Variants in AFG2A observed in about 807,000 individuals in gnomAD.
The protein encoded by AFG2A is AAA ATPase AFG2A, also known as ATPase family gene 2 protein homolog A.
chr4:123,159,686 G>A, the AFG2A span, among the ~76,000 whole-genome samples: 1 of 152,118 alleles, frequency 6.6e-6, no homozygotes, highest in Non-Finnish European at 1.5e-5. Context: ...TTAACTGGAA[G>A]GCTGCAGGAC....
chr4:123,247,245 A>G, the AFG2A span, among the ~76,000 whole-genome samples: 1 of 84,838 alleles, frequency 1.2e-5, no homozygotes, highest in African/African-American at 3.0e-5. Flanking sequence ...GTGTGTGTGT[A>G]TCACTACTAC....
At chr4:123,122,966 A>G in the AFG2A span, among the ~76,000 whole-genome samples, 1 of 151,976 alleles carries the variant, frequency 6.6e-6, no homozygotes, top group African/African-American at 2.4e-5. Context: ...TTAACTTTGT[A>G]TTTTTGCAGG....
the AFG2A span, among the ~76,000 whole-genome samples, chr4:123,029,067 T>G: frequency 2.0e-5 from 3 of 152,220 alleles, no homozygotes; most frequent in Non-Finnish European, 4.4e-5. Context: ...CCTAAATAGA[T>G]TAACTATCAA....
the AFG2A span, among the ~76,000 whole-genome samples, chr4:123,245,395 A>C: frequency 6.6e-6 from 1 of 152,156 alleles, no homozygotes; most frequent in Non-Finnish European, 1.5e-5. Context: ...TTTTATAGAG[A>C]CATAGGAAAT....
chr4:123,213,483 A>G, the AFG2A span, among the ~76,000 whole-genome samples: 14 of 152,270 alleles, frequency 9.2e-5, no homozygotes, highest in South Asian at 1.4e-3. Context: ...CTCCAACAAA[A>G]CTAGTATTCA....
the AFG2A span, among the ~76,000 whole-genome samples, chr4:123,239,207 T>G: frequency 3.3e-5 from 5 of 152,178 alleles, no homozygotes; most frequent in Non-Finnish European, 5.9e-5. Flanking sequence ...TACATTTGAT[T>G]GGTGTACCTG....
the AFG2A span, among the ~76,000 whole-genome samples, chr4:123,039,184 G>T: frequency 1.3e-5 from 2 of 152,032 alleles, no homozygotes; most frequent in African/African-American, 4.8e-5. Context: ...TAATTAAAAA[G>T]CAGTATATAT....
the AFG2A span, among the ~76,000 whole-genome samples, chr4:122,926,650 T>C: frequency 6.6e-6 from 1 of 152,236 alleles, no homozygotes. Flanking sequence ...TTCTGATTAT[T>C]AAGGAAAACT....
chr4:122,981,213 A>G, the AFG2A span, among the ~76,000 whole-genome samples: 1 of 152,180 alleles, frequency 6.6e-6, no homozygotes, highest in African/African-American at 2.4e-5. Flanking sequence ...ATGTGTGGAC[A>G]TACAGTTTAT....
the AFG2A span, chr4:123,318,746 G>A: frequency 3.0e-5 from 4 of 131,510 alleles, no homozygotes; most frequent in Non-Finnish European, 5.0e-5. Flanking sequence ...TCAATGTAGC[G>A]AGATCCTATC....
the AFG2A span, among the ~76,000 whole-genome samples, chr4:123,236,121 C>T: frequency 2.6e-5 from 4 of 152,098 alleles, no homozygotes; most frequent in African/African-American, 7.2e-5. Flanking sequence ...CTGATAGATA[C>T]ACTCTCCTGA....
chr4:123,143,336 G>T, the AFG2A span, among the ~76,000 whole-genome samples: 1 of 151,996 alleles, frequency 6.6e-6, no homozygotes, highest in African/African-American at 2.4e-5. Context: ...GTTTTCAGCA[G>T]TCGTCGCTAT....
chr4:123,061,233 A>G, the AFG2A span, among the ~76,000 whole-genome samples: 2 of 151,920 alleles, frequency 1.3e-5, no homozygotes, highest in African/African-American at 2.4e-5. Flanking sequence ...AACTGTACCA[A>G]CCTTCACCTG....
At chr4:123,305,217 A>T in the AFG2A span, among the ~76,000 whole-genome samples, 1 of 152,084 alleles carries the variant, frequency 6.6e-6, no homozygotes, top group Non-Finnish European at 1.5e-5. Flanking sequence ...GACCTTTGTT[A>T]CCCTTCCACC....
chr4:123,152,036 C>A, the AFG2A span, among the ~76,000 whole-genome samples: 1 of 151,090 alleles, frequency 6.6e-6, no homozygotes, highest in Admixed American at 6.6e-5. Context: ...AACAGAAAAC[C>A]AAACACCTCA....
chr4:123,219,139 G>A, the AFG2A span, among the ~76,000 whole-genome samples: 2 of 152,216 alleles, frequency 1.3e-5, no homozygotes, highest in Non-Finnish European at 2.9e-5. Context: ...CGACAGTGCA[G>A]TTATCAGTCT....
chr4:123,233,808 A>C, the AFG2A span, among the ~76,000 whole-genome samples: 2 of 151,880 alleles, frequency 1.3e-5, no homozygotes, highest in African/African-American at 4.8e-5. Flanking sequence ...AATATATGTG[A>C]AAATACTTTC....
At chr4:123,058,345 C>A in the AFG2A span, among the ~76,000 whole-genome samples, 4,299 of 152,268 alleles carry the variant, frequency 0.028, 85 homozygotes, top group Non-Finnish European at 0.046. Context: ...TCAGATCGGG[C>A]TGGGCGCCGT....
At chr4:123,275,356 T>A in the AFG2A span, among the ~76,000 whole-genome samples, 1 of 152,150 alleles carries the variant, frequency 6.6e-6, no homozygotes, top group Non-Finnish European at 1.5e-5. Context: ...AAACACTGTC[T>A]TAACTACAAA....
Sources: gnomAD v4.1 joint callset for allele counts (sites outside exome capture counted in the v4.1 genomes callset) on GRCh38, gnomAD v4.1.1 for gene constraint, MANE v1.5 for transcripts, NCBI Gene and HGNC (gene_info 2026-07-23, HGNC 2026-07-21) for gene names.